MAMLD1: variants seen among roughly 807,000 people sequenced by gnomAD.
The protein encoded by MAMLD1 is mastermind like domain containing 1, also known as mastermind-like domain-containing protein 1.
A neutral mutation model predicts 45.0 loss-of-function variants in MAMLD1; 14 were observed. The ratio of observed to expected loss-of-function variants is 0.31; its 90% CI spans 0.21 to 0.49. The LOEUF (loss-of-function observed/expected upper bound fraction) is 0.49. Among genes scored for constraint, MAMLD1 ranks in the 20% least tolerant of loss-of-function variants. MAMLD1 has a pLI of 0.99. For missense variants in MAMLD1, 543 were observed against 603.6 expected (o/e 0.90, Z 1.05); for synonymous variants, 254 against 247.8 (o/e 1.02, Z -0.24).
intron 4 of MAMLD1, among the ~76,000 whole-genome samples, chrX:150,472,499 C>A (rs1557406616): frequency 8.9e-6 from 1 of 112,224 alleles, no homozygotes; most frequent in African/African-American, 3.2e-5. Flanking sequence ...TGGCAGGAAG[C>A]AGTTCCTTGC....
chrX:150,380,603 TTTAAA>T (rs1181198449), intron 1 of MAMLD1, among the ~76,000 whole-genome samples: 3 of 111,865 alleles, frequency 2.7e-5, no homozygotes, highest in Non-Finnish European at 5.6e-5. Context: ...TCACATCCAG[TTTAAA>T]GAGAAATTCA....
chrX:150,439,338 A>C (rs1557404414), intron 1 of MAMLD1, among the ~76,000 whole-genome samples: 1 of 111,701 alleles, frequency 9.0e-6, no homozygotes, highest in Non-Finnish European at 1.9e-5. Flanking sequence ...AGTTTTTATG[A>C]AGTCCAATTT....
At chrX:150,368,558 T>G (rs1390368464) in intron 1 of MAMLD1, among the ~76,000 whole-genome samples, 2 of 111,351 alleles carry the variant, frequency 1.8e-5, no homozygotes, top group East Asian at 5.6e-4. Context: ...AGAAGCTCTT[T>G]AGTTTAATTA....
At chrX:150,499,031 C>T (rs1454449041) in intron 5 of MAMLD1, among the ~76,000 whole-genome samples, 1 of 112,083 alleles carries the variant, frequency 8.9e-6, no homozygotes, top group Non-Finnish European at 1.9e-5. Context: ...GCCTTCACCT[C>T]TTTGGGCTAT....
At chrX:150,496,726 T>C (rs1557408290) in intron 5 of MAMLD1, among the ~76,000 whole-genome samples, 5 of 111,566 alleles carry the variant, frequency 4.5e-5, no homozygotes, top group Non-Finnish European at 1.9e-5. Context: ...CCAACCTCAT[T>C]ACCCAGCATT....
At chrX:150,417,223 T>C (rs889888965) in intron 1 of MAMLD1, among the ~76,000 whole-genome samples, 1 of 107,705 alleles carries the variant, frequency 9.3e-6, no homozygotes, top group Non-Finnish European at 1.9e-5. Flanking sequence ...TGTGATCTCA[T>C]TGTTCAATTC....
chrX:150,411,168 C>T (rs2034115636), intron 1 of MAMLD1, among the ~76,000 whole-genome samples: 1 of 111,622 alleles, frequency 9.0e-6, no homozygotes, highest in African/African-American at 3.3e-5. Context: ...AGGCCAGGGT[C>T]CTCCCTACTA....
chrX:150,463,836 G>GGCTGTCAGGTCAGT (rs1299052104), intron 3 of MAMLD1, among the ~76,000 whole-genome samples: 3 of 111,189 alleles, frequency 2.7e-5, no homozygotes, highest in Non-Finnish European at 5.7e-5. Flanking sequence ...CAGCATCCCT[G>GGCTGTCAGGTCAGT]GCTGTCAGGT....
chrX:150,461,315 C>T (rs782404750), intron 2 of MAMLD1, among the ~76,000 whole-genome samples: 86 of 112,771 alleles, frequency 7.6e-4, no homozygotes, highest in South Asian at 6.6e-3. Context: ...ATATTTACAT[C>T]ATGATGATGG....
At chrX:150,497,288 T>C (rs1557408330) in intron 5 of MAMLD1, among the ~76,000 whole-genome samples, 1 of 99,728 alleles carries the variant, frequency 1.0e-5, no homozygotes, top group Non-Finnish European at 2.0e-5. Flanking sequence ...TTTTTCTTTT[T>C]TTTTTTTTTT....
chrX:150,503,138 T>TA (rs2037614712), intron 5 of MAMLD1, 136 bp from the exon 6 acceptor site: 1 of 581,601 alleles, frequency 1.7e-6, no homozygotes, highest in Admixed American at 2.2e-5. Flanking sequence ...GCTGTTTGGT[T>TA]TCGTTCCACC....
At chrX:150,421,512 T>G (rs1267678807) in intron 1 of MAMLD1, among the ~76,000 whole-genome samples, 1 of 112,248 alleles carries the variant, frequency 8.9e-6, no homozygotes, top group Non-Finnish European at 1.9e-5. Flanking sequence ...TCACTGCTAC[T>G]TTTGGCCACT....
intron 1 of MAMLD1, among the ~76,000 whole-genome samples, chrX:150,405,372 A>G (rs2033968952): frequency 9.0e-6 from 1 of 111,313 alleles, no homozygotes; most frequent in African/African-American, 3.3e-5. Context: ...AAAAGGAGTC[A>G]AACTAGGTCC....
At chrX:150,401,147 G>T (rs1557402420) in intron 1 of MAMLD1, among the ~76,000 whole-genome samples, 1 of 111,300 alleles carries the variant, frequency 9.0e-6, no homozygotes, top group Non-Finnish European at 1.9e-5. Flanking sequence ...CCTGTTATTG[G>T]TCTATTCAGA....
intron 1 of MAMLD1, among the ~76,000 whole-genome samples, chrX:150,370,091 A>G (rs1199196143): frequency 9.2e-6 from 1 of 109,139 alleles, no homozygotes; most frequent in Non-Finnish European, 1.9e-5. Context: ...GTTGGAGCAG[A>G]TAGAATGCTG....
At chrX:150,427,956 A>G (rs1163108888) in intron 1 of MAMLD1, among the ~76,000 whole-genome samples, 3 of 111,044 alleles carry the variant, frequency 2.7e-5, no homozygotes, top group Non-Finnish European at 5.7e-5. Flanking sequence ...TCTAGCTCCA[A>G]CTGGCACTTT....
chrX:150,404,401 A>G (rs145806403), intron 1 of MAMLD1, among the ~76,000 whole-genome samples: 1,145 of 112,022 alleles, frequency 0.01, 19 homozygotes, highest in African/African-American at 0.036. Context: ...AAGAAAGCAC[A>G]GGGCCATCAG....
chrX:150,443,303 T>C (rs1557404627), intron 1 of MAMLD1, among the ~76,000 whole-genome samples: 1 of 108,473 alleles, frequency 9.2e-6, no homozygotes, highest in Non-Finnish European at 1.9e-5. Flanking sequence ...AAGTTAGATC[T>C]TTTGTTTGTA....
intron 1 of MAMLD1, among the ~76,000 whole-genome samples, chrX:150,400,200 T>G (rs781845552): frequency 7.1e-5 from 8 of 111,996 alleles, no homozygotes; most frequent in Non-Finnish European, 1.3e-4. Context: ...TCCAGAGGAA[T>G]GTACTTCTTG....
Sources: allele counts gnomAD v4.1 joint callset (sites outside exome capture counted in the v4.1 genomes callset), GRCh38; gene constraint gnomAD v4.1.1; transcripts MANE v1.5; gene names NCBI Gene and HGNC (gene_info 2026-07-23, HGNC 2026-07-21).